Variants in SYNPO2 observed in about 807,000 individuals in gnomAD.
SYNPO2 encodes synaptopodin-2.
A neutral mutation model predicts 85.0 loss-of-function variants in SYNPO2; 56 were observed. The observed-to-expected ratio is 0.66, with a 90% CI of 0.53 to 0.82. The LOEUF (loss-of-function observed/expected upper bound fraction) is 0.82. Among genes scored for constraint, SYNPO2 ranks in the 40% least tolerant of loss-of-function variants. The probability of loss-of-function intolerance (pLI) is 0.00; values close to 1 mark genes in which losing one functional copy is unlikely to be tolerated. For synonymous variants in SYNPO2, 602 were observed against 591.1 expected (o/e 1.02, Z -0.27); for missense variants, 1,575 against 1,534.2 (o/e 1.03, Z -0.44).
At chr4:119,023,617 G>A in intron 2 of SYNPO2, 36 bp downstream of exon 2, 1 of 1,592,304 alleles carries the variant, frequency 6.3e-7, no homozygotes, top group Non-Finnish European at 8.6e-7. Flanking sequence ...ATTTTCTCTT[G>A]AAGCTACATG....
intron 1 of SYNPO2, among the ~76,000 whole-genome samples, chr4:118,880,593 C>T (rs1416049318): frequency 6.6e-6 from 1 of 151,810 alleles, no homozygotes; most frequent in Non-Finnish European, 1.5e-5. Flanking sequence ...ACTAAAAATA[C>T]AAAAATTAGC....
At chr4:118,960,514 G>T (rs10022588) in intron 1 of SYNPO2, among the ~76,000 whole-genome samples, 2 of 151,700 alleles carry the variant, frequency 1.3e-5, no homozygotes, top group African/African-American at 4.8e-5. Flanking sequence ...TAATATATTA[G>T]GTAAATGTAT....
chr4:119,029,709 T>C, intron 3 of SYNPO2, 136 bp from the exon 4 acceptor site: 1 of 819,998 alleles, frequency 1.2e-6, no homozygotes. Flanking sequence ...ATGTGTTGGA[T>C]TCCTTCAAAA....
chr4:118,934,235 G>A (rs1389406408), intron 1 of SYNPO2, among the ~76,000 whole-genome samples: 1 of 152,150 alleles, frequency 6.6e-6, no homozygotes, highest in East Asian at 1.9e-4. Flanking sequence ...ACTGACCCGT[G>A]TAATCGAAAA....
At chr4:118,933,882 G>GTTTATACA (rs1734017003) in intron 1 of SYNPO2, among the ~76,000 whole-genome samples, 1 of 133,528 alleles carries the variant, frequency 7.5e-6, no homozygotes, top group Non-Finnish European at 1.6e-5. Context: ...AAAGGATTGA[G>GTTTATACA]TTTATACATG....
At chr4:118,987,643 GAAAA>G (rs777269364) in intron 1 of SYNPO2, among the ~76,000 whole-genome samples, 1 of 119,406 alleles carries the variant, frequency 8.4e-6, no homozygotes, top group Non-Finnish European at 1.8e-5. Context: ...CAGCCCACAT[GAAAA>G]AAAAAAAAAA....
At chr4:118,916,729 CTTTTTT>C (rs199715189) in intron 1 of SYNPO2, among the ~76,000 whole-genome samples, 2 of 117,040 alleles carry the variant, frequency 1.7e-5, no homozygotes, top group African/African-American at 3.2e-5. Flanking sequence ...ATTTTTCTTT[CTTTTTT>C]TTTTTTTTTT....
In SYNPO2 at chr4:118,945,991, G is replaced by A. The variant is rs558366916; in HGVS notation, c.105+56850G>A. On this transcript the variant is annotated intron_variant, in intron 1 of 4. Coordinates refer to ENST00000307142, the MANE Select transcript of SYNPO2 (RefSeq NM_133477.3). ...GATCTCTTGACCTCATGATCTGCCC[G>A]CCTCGGCCTCCCGAAGTGCTGGGAT... Among the ~76,000 whole-genome samples the A allele has an allele frequency of 4.5e-4, 69 of 152,158 alleles. No homozygotes were observed. The South Asian group carries it at 0.01, about 23-fold the overall frequency.
intron 1 of SYNPO2, among the ~76,000 whole-genome samples, chr4:118,991,004 C>A (rs13144666): frequency 0.18 from 28,008 of 152,136 alleles, 2,962 homozygotes; most frequent in East Asian, 0.26. Flanking sequence ...ACTGGGCCAA[C>A]AGGCCCTTCC....
chr4:118,951,661 T>C (rs1166264973), intron 1 of SYNPO2, among the ~76,000 whole-genome samples: 1 of 152,202 alleles, frequency 6.6e-6, no homozygotes, highest in Non-Finnish European at 1.5e-5. Context: ...ATCTAAATTT[T>C]ATAGTAATAT....
intron 1 of SYNPO2, among the ~76,000 whole-genome samples, chr4:118,925,010 T>C (rs920455622): frequency 3.3e-5 from 5 of 152,162 alleles, no homozygotes; most frequent in African/African-American, 1.2e-4. Flanking sequence ...AACCACTAAA[T>C]TCTTGGAGTG....
chr4:118,933,013 C>A (rs915656525), intron 1 of SYNPO2, among the ~76,000 whole-genome samples: 83 of 151,412 alleles, frequency 5.5e-4, no homozygotes, highest in Non-Finnish European at 6.8e-4. Context: ...AGGAGGAGCA[C>A]TAAGAAAAAG....
chr4:119,038,685 A>G (rs1331652626), intron 4 of SYNPO2, among the ~76,000 whole-genome samples: 1 of 152,178 alleles, frequency 6.6e-6, no homozygotes, highest in African/African-American at 2.4e-5. Flanking sequence ...GGGAGTCACA[A>G]GTTTTCAGTA....
At chr4:118,894,312 A>G (rs1471922659) in intron 1 of SYNPO2, among the ~76,000 whole-genome samples, 1 of 152,134 alleles carries the variant, frequency 6.6e-6, no homozygotes. Context: ...TGAGCAGGTC[A>G]TAATAGTGGT....
intron 2 of SYNPO2, among the ~76,000 whole-genome samples, chr4:119,024,961 T>A (rs1358063409): frequency 1.3e-5 from 2 of 152,356 alleles, no homozygotes; most frequent in South Asian, 2.1e-4. Context: ...TTATCTTGAA[T>A]GTTCTTAAAA....
Position 118,927,102 on chromosome 4 carries a change from T to A in SYNPO2, c.105+37961T>A, listed in dbSNP as rs111435151. The stretch of plus-strand genomic sequence containing the variant: ...TTCTTCTGGAGTCTTCTCCCTCTCC[T>A]TTTTTCTTTTCAAGCAACACCCAAA... On this transcript the variant is annotated intron_variant, in intron 1 of 4. Coordinates refer to ENST00000307142, the MANE Select transcript of SYNPO2 (RefSeq NM_133477.3). Among the ~76,000 whole-genome samples, 27 of 152,256 alleles carry A rather than the reference T, an allele frequency of 1.8e-4. 1 individual carries two copies. The highest frequency in any genetic ancestry group is 5.3e-4 in the African/African-American group (22 of 41,566).
At chr4:118,921,871 C>G (rs1733551903) in intron 1 of SYNPO2, among the ~76,000 whole-genome samples, 1 of 152,042 alleles carries the variant, frequency 6.6e-6, no homozygotes, top group Non-Finnish European at 1.5e-5. Flanking sequence ...CCCTCTTCCA[C>G]TTGATTAACT....
chr4:118,907,091 G>T (rs1549534), intron 1 of SYNPO2, among the ~76,000 whole-genome samples: 4 of 151,974 alleles, frequency 2.6e-5, no homozygotes, highest in Admixed American at 2.6e-4. Flanking sequence ...CTGGATTACA[G>T]GTGTGAGACA....
intron 1 of SYNPO2, among the ~76,000 whole-genome samples, chr4:118,959,095 ACACT>A (rs768769117): frequency 1.3e-4 from 20 of 152,300 alleles, no homozygotes; most frequent in African/African-American, 4.6e-4. Context: ...GTTGTTGGTA[ACACT>A]CAATCTATTA....
Sources: gnomAD v4.1 joint callset for allele counts (sites outside exome capture counted in the v4.1 genomes callset) on GRCh38, gnomAD v4.1.1 for gene constraint, MANE v1.5 for transcripts, NCBI Gene and HGNC (gene_info 2026-07-23, HGNC 2026-07-21) for gene names.